RALYL: variants seen among roughly 807,000 people sequenced by gnomAD.
RALYL encodes the protein RNA-binding Raly-like protein.
RALYL carries 29 observed loss-of-function variants against 35.1 expected under a neutral mutation model. The ratio of observed to expected loss-of-function variants is 0.83; its 90% CI spans 0.61 to 1.13. The LOEUF (loss-of-function observed/expected upper bound fraction) is 1.13. RALYL is among the 50% of genes most tolerant of loss of function. The pLI, the probability that RALYL is intolerant of heterozygous loss-of-function variation, is 0.00. For synonymous variants in RALYL, 120 were observed against 127.6 expected, an observed-to-expected ratio of 0.94 and a Z score of 0.40; for missense variants, 359 against 360.4, an observed-to-expected ratio of 1.00 and a Z score of 0.03.
chr8:84,845,786 T>A (rs930594570), intron 4 of RALYL, among the ~76,000 whole-genome samples: 1 of 152,210 alleles, frequency 6.6e-6, no homozygotes, highest in Non-Finnish European at 1.5e-5. Context: ...AGGTCTTACA[T>A]TTAAATATTC....
chr8:84,325,185 A>G (rs898568425), intron 1 of RALYL, among the ~76,000 whole-genome samples: 1 of 152,182 alleles, frequency 6.6e-6, no homozygotes, highest in Non-Finnish European at 1.5e-5. Flanking sequence ...GCACCTCACA[A>G]CTTGCTCTCA....
At chr8:84,659,414 C>A (rs1324320552) in intron 2 of RALYL, among the ~76,000 whole-genome samples, 1 of 152,026 alleles carries the variant, frequency 6.6e-6, no homozygotes, top group Non-Finnish European at 1.5e-5. Flanking sequence ...CTGGATCAGA[C>A]ATCAGATGAG....
chr8:84,244,764 G>A (rs768031517), intron 1 of RALYL, among the ~76,000 whole-genome samples: 1 of 152,210 alleles, frequency 6.6e-6, no homozygotes, highest in Non-Finnish European at 1.5e-5. Context: ...CTGGGAGAAT[G>A]AAAGGTCAGG....
chr8:84,591,714 C>T (rs538556491), intron 2 of RALYL, among the ~76,000 whole-genome samples: 2 of 152,212 alleles, frequency 1.3e-5, no homozygotes, highest in South Asian at 2.1e-4. Flanking sequence ...ACTTCTACAT[C>T]GTGAACTGAA....
chr8:84,194,267 G>A (rs561184261), intron 1 of RALYL, among the ~76,000 whole-genome samples: 1 of 152,074 alleles, frequency 6.6e-6, no homozygotes, highest in Admixed American at 6.6e-5. Flanking sequence ...CAAGTGAGGA[G>A]GTGGAAAGGA....
chr8:84,674,823 C>T (rs1441193311), intron 2 of RALYL, among the ~76,000 whole-genome samples: 1 of 152,106 alleles, frequency 6.6e-6, no homozygotes, highest in African/African-American at 2.4e-5. Flanking sequence ...TCCAAGATTA[C>T]AGAACACTTA....
rs185540872 is a variant in RALYL at position 84,208,785 on chromosome 8, G to T, written c.-24+24361G>T. Among the ~76,000 whole-genome samples the T allele has an allele frequency of 4.1e-4, 63 of 152,196 alleles. 1 individual carries two copies. Among genetic ancestry groups the T allele is most frequent in the Non-Finnish European group, 7.4e-4 (50 of 67,998 alleles). On this transcript the variant is annotated intron_variant, in intron 1 of 8. Transcript: ENST00000521268. ...ATTATAATTACTTCCTATTTAAAAT[G>T]TTTAAGTTTAAAAATTTGGGAAGTT... is the stretch of plus-strand genomic sequence containing the variant.
chr8:84,282,663 A>T (rs1836797897), intron 1 of RALYL, among the ~76,000 whole-genome samples: 1 of 150,914 alleles, frequency 6.6e-6, no homozygotes, highest in Non-Finnish European at 1.5e-5. Flanking sequence ...CTATGTTGAT[A>T]ATTGAGGAGC....
At chr8:84,464,730 T>G (rs1032606666) in intron 1 of RALYL, among the ~76,000 whole-genome samples, 4 of 152,100 alleles carry the variant, frequency 2.6e-5, no homozygotes, top group East Asian at 1.9e-4. Flanking sequence ...ACTTCCACAA[T>G]GGTTGAACTA....
intron 1 of RALYL, among the ~76,000 whole-genome samples, chr8:84,217,147 CA>C (rs1188380772): frequency 6.6e-6 from 1 of 152,128 alleles, no homozygotes; most frequent in Non-Finnish European, 1.5e-5. Context: ...ATCTTACCCT[CA>C]GTAGGTAAGC....
At chr8:84,829,768 G>T (rs12545258) in intron 4 of RALYL, among the ~76,000 whole-genome samples, 1 of 151,882 alleles carries the variant, frequency 6.6e-6, no homozygotes, top group Non-Finnish European at 1.5e-5. Context: ...TGCTCCTAGC[G>T]GAAATAGAGG....
chr8:84,840,591 C>A (rs1289617209), intron 4 of RALYL, among the ~76,000 whole-genome samples: 4 of 152,118 alleles, frequency 2.6e-5, no homozygotes, highest in Non-Finnish European at 5.9e-5. Context: ...GGCAGGCCAA[C>A]ATTCAAATTC....
At chr8:84,431,551 A>G (rs1194638707) in intron 1 of RALYL, among the ~76,000 whole-genome samples, 2 of 152,160 alleles carry the variant, frequency 1.3e-5, no homozygotes, top group Non-Finnish European at 2.9e-5. Flanking sequence ...CTCAACTCCT[A>G]CTAACACAAC....
chr8:84,766,013 G>A (rs1432730859), intron 2 of RALYL, among the ~76,000 whole-genome samples: 1 of 152,158 alleles, frequency 6.6e-6, no homozygotes, highest in Non-Finnish European at 1.5e-5. Flanking sequence ...GACAGAGCCA[G>A]CAGGGATTGC....
At chr8:84,674,753 A>C (rs984515625) in intron 2 of RALYL, among the ~76,000 whole-genome samples, 3 of 152,150 alleles carry the variant, frequency 2.0e-5, no homozygotes, top group Admixed American at 6.6e-5. Context: ...AATTTGATAA[A>C]ATTTCCTTTT....
At chr8:84,503,796 C>T (rs945957538) in intron 1 of RALYL, among the ~76,000 whole-genome samples, 12 of 151,352 alleles carry the variant, frequency 7.9e-5, no homozygotes, top group East Asian at 2.0e-4. Flanking sequence ...GCAGGAGAAT[C>T]GGCTTGAGTG....
At chr8:84,241,006 T>G (rs1827728474) in intron 1 of RALYL, among the ~76,000 whole-genome samples, 1 of 152,104 alleles carries the variant, frequency 6.6e-6, no homozygotes, top group African/African-American at 2.4e-5. Flanking sequence ...GCTGTGTGTA[T>G]TAAAATAATA....
At chr8:84,639,846 T>A (rs1460407989) in intron 2 of RALYL, among the ~76,000 whole-genome samples, 3 of 151,962 alleles carry the variant, frequency 2.0e-5, no homozygotes, top group Non-Finnish European at 4.4e-5. Flanking sequence ...ACCCTTTTAA[T>A]CAATATAATA....
intron 8 of RALYL, among the ~76,000 whole-genome samples, chr8:84,910,170 T>C (rs559186716): frequency 1.3e-5 from 2 of 152,260 alleles, no homozygotes; most frequent in South Asian, 2.1e-4. Flanking sequence ...TTCATGACAC[T>C]TGCAATTACA....
Sources: gnomAD v4.1 joint callset for allele counts (sites outside exome capture counted in the v4.1 genomes callset) on GRCh38, gnomAD v4.1.1 for gene constraint, MANE v1.5 for transcripts, NCBI Gene and HGNC (gene_info 2026-07-23, HGNC 2026-07-21) for gene names.